MYO16: variants seen among roughly 807,000 people sequenced by gnomAD.
The protein encoded by MYO16 is unconventional myosin-XVI.
MYO16 carries 94 observed loss-of-function variants against 205.3 expected under a neutral mutation model. That is an observed-to-expected ratio of 0.46 (90% CI 0.39 to 0.54). The LOEUF (loss-of-function observed/expected upper bound fraction) is 0.54. MYO16 is among the 20% of genes least tolerant of loss of function. The probability of loss-of-function intolerance (pLI) is 0.00; values close to 1 mark genes in which losing one functional copy is unlikely to be tolerated. For synonymous variants in MYO16, 988 were observed against 954.0 expected, an observed-to-expected ratio of 1.04 and a Z score of -0.66; for missense variants, 2,315 against 2,387.5, an observed-to-expected ratio of 0.97 and a Z score of 0.63.
intron 9 of MYO16, among the ~76,000 whole-genome samples, chr13:108,824,217 A>AATTTTAC (rs1876137224): frequency 1.3e-5 from 2 of 152,178 alleles, no homozygotes; most frequent in South Asian, 4.1e-4. Flanking sequence ...AAATTACTGA[A>AATTTTAC]AGATAAATTA....
chr13:109,159,720 A>T (rs1878276860), intron 32 of MYO16, among the ~76,000 whole-genome samples: 1 of 143,934 alleles, frequency 6.9e-6, no homozygotes, highest in Admixed American at 7.0e-5. Flanking sequence ...GCTGTTTTTC[A>T]GAAGGTCATC....
upstream of MYO16, among the ~76,000 whole-genome samples, chr13:108,624,715 A>T (rs972165141): frequency 2.6e-5 from 4 of 151,988 alleles, no homozygotes; most frequent in African/African-American, 9.7e-5. Flanking sequence ...TGATTAGGGA[A>T]AAAAATCACC....
chr13:108,888,872 TTG>T (rs1486570234), intron 14 of MYO16, among the ~76,000 whole-genome samples: 1 of 151,956 alleles, frequency 6.6e-6, no homozygotes, highest in Non-Finnish European at 1.5e-5. Context: ...CTGGCCAACA[TTG>T]TGAAACCTCG....
At chr13:109,131,046 T>A (rs1475122556) in intron 31 of MYO16, among the ~76,000 whole-genome samples, 2 of 152,098 alleles carry the variant, frequency 1.3e-5, no homozygotes, top group African/African-American at 2.4e-5. Context: ...TAGTAACGTG[T>A]CACAAAATTA....
chr13:108,907,498 C>T (rs1443607857), intron 15 of MYO16, among the ~76,000 whole-genome samples: 1 of 152,096 alleles, frequency 6.6e-6, no homozygotes, highest in Admixed American at 6.6e-5. Flanking sequence ...ACTTAGAAGC[C>T]CATCATACTC....
intron 34 of MYO16, among the ~76,000 whole-genome samples, chr13:109,194,866 C>G (rs1394145183): frequency 6.6e-6 from 1 of 152,062 alleles, no homozygotes; most frequent in African/African-American, 2.4e-5. Context: ...AGAGTTCATA[C>G]AAGATCCTTA....
intron 4 of MYO16, among the ~76,000 whole-genome samples, chr13:108,784,926 A>G (rs1886412220): frequency 6.6e-6 from 1 of 152,170 alleles, no homozygotes; most frequent in Non-Finnish European, 1.5e-5. Flanking sequence ...GAAGAGTGCA[A>G]GCAAATCTAC....
chr13:108,974,062 C>T (rs1025667344), intron 20 of MYO16, among the ~76,000 whole-genome samples: 9 of 152,020 alleles, frequency 5.9e-5, no homozygotes, highest in Admixed American at 1.3e-4. Context: ...GTGAATTAAT[C>T]GGTTTAAGTG....
At chr13:109,114,668 C>T (rs983429295) in intron 28 of MYO16, among the ~76,000 whole-genome samples, 24 of 152,104 alleles carry the variant, frequency 1.6e-4, no homozygotes, top group Admixed American at 1.2e-3. Flanking sequence ...ACTATTATTC[C>T]GAAATAAATT....
At chr13:108,747,391 A>G (rs1219171328) in intron 4 of MYO16, among the ~76,000 whole-genome samples, 1 of 152,178 alleles carries the variant, frequency 6.6e-6, no homozygotes, top group Non-Finnish European at 1.5e-5. Flanking sequence ...CATAGCGGGT[A>G]CAGAGAAGGG....
chr13:108,814,149 G>A (rs975207656), intron 7 of MYO16, among the ~76,000 whole-genome samples: 1 of 152,148 alleles, frequency 6.6e-6, no homozygotes, highest in Non-Finnish European at 1.5e-5. Context: ...ACAGTAGTTT[G>A]TTGGGAGATT....
At chr13:108,855,179 C>T (rs1360783939) in intron 10 of MYO16, 3 of 326,530 alleles carry the variant, frequency 9.2e-6, no homozygotes, top group Non-Finnish European at 1.7e-5. Flanking sequence ...TCTTGACAGA[C>T]CTAATGCCTG....
chr13:108,578,132 G>A, the MYO16 span, among the ~76,000 whole-genome samples: 1 of 152,116 alleles, frequency 6.6e-6, no homozygotes, highest in Non-Finnish European at 1.5e-5. Flanking sequence ...TATCAAGCTT[G>A]GCTTTAAGGT....
At chr13:108,942,669 T>G (rs1001862789) in intron 16 of MYO16, among the ~76,000 whole-genome samples, 7 of 152,234 alleles carry the variant, frequency 4.6e-5, no homozygotes, top group African/African-American at 1.4e-4. Flanking sequence ...GCTGATTTGT[T>G]TGATGTCTCT....
At chr13:108,796,965 C>A (rs1886813204) in intron 6 of MYO16, among the ~76,000 whole-genome samples, 1 of 151,774 alleles carries the variant, frequency 6.6e-6, no homozygotes, top group South Asian at 2.1e-4. Context: ...AAAGAACTGA[C>A]TGAAAAGGAC....
chr13:109,028,467 T>A (rs890870157), intron 23 of MYO16: 5 of 241,390 alleles, frequency 2.1e-5, no homozygotes, highest in Admixed American at 1.0e-4. Flanking sequence ...GTAAAAAAAA[T>A]ATATATTCTT....
chr13:108,676,979 A>C (rs1430573913), intron 2 of MYO16, among the ~76,000 whole-genome samples: 1 of 152,136 alleles, frequency 6.6e-6, no homozygotes, highest in African/African-American at 2.4e-5. Flanking sequence ...AATTCCTTGA[A>C]GTGTAATCTC....
At chr13:108,574,034 G>T in the MYO16 span, among the ~76,000 whole-genome samples, 2 of 151,936 alleles carry the variant, frequency 1.3e-5, no homozygotes, top group East Asian at 3.9e-4. Context: ...TATTATTTTT[G>T]TAAAGATGGG....
At chr13:109,059,442 A>G (rs1005158295) in intron 27 of MYO16, among the ~76,000 whole-genome samples, 5 of 152,184 alleles carry the variant, frequency 3.3e-5, no homozygotes, top group African/African-American at 1.2e-4. Context: ...AAGCACCAGT[A>G]TTTTGCAAGA....
Sources: allele counts gnomAD v4.1 joint callset (sites outside exome capture counted in the v4.1 genomes callset), GRCh38; gene constraint gnomAD v4.1.1; transcripts MANE v1.5; gene names NCBI Gene and HGNC (gene_info 2026-07-23, HGNC 2026-07-21).